TBC1D8: variants seen among roughly 807,000 people sequenced by gnomAD.
The protein encoded by TBC1D8 is BUB2-like protein 1.
In TBC1D8, 65 loss-of-function variants were observed where a neutral mutation model predicts 118.8. The observed-to-expected ratio is 0.55, with a 90% CI of 0.45 to 0.67. The LOEUF (loss-of-function observed/expected upper bound fraction) is 0.67, where lower values mean the gene tolerates loss of function less well. Ranked by LOEUF, TBC1D8 falls within the 30% of genes least tolerant of loss-of-function variation. The probability of loss-of-function intolerance (pLI) is 0.00; values close to 1 mark genes in which losing one functional copy is unlikely to be tolerated. For missense variants in TBC1D8, 1,376 were observed against 1,471.2 expected, an observed-to-expected ratio of 0.94 and a Z score of 1.06; for synonymous variants, 566 against 595.8, an observed-to-expected ratio of 0.95 and a Z score of 0.73.
rs747535253 is a variant in TBC1D8 at position 101,054,231 on chromosome 2, C to T, written c.508G>A (p.Glu170Lys). 29 of 1,609,308 alleles carry T rather than the reference C, an allele frequency of 1.8e-5. No homozygotes were observed. The Middle Eastern group carries it at 6.6e-4, about 37-fold the overall frequency. The change falls in exon 4 of 20, where the codon GAG (glutamate) becomes AAG (lysine). Residue 170 changes from glutamate (E) to lysine (K), a missense_variant. By Grantham distance (56) the Glu-to-Lys change is moderately conservative. Transcript: ENST00000409318. ...VKFEARFNFP[E>K]AEKLVTYYSC... ...TAGTAGGTGACCAGCTTCTCCGCCT[C>T]GGGGAAGTTGAACCTGGCCTCGAAC... is the stretch of plus-strand genomic sequence containing the variant.
intron 5 of TBC1D8, among the ~76,000 whole-genome samples, chr2:101,046,517 G>A (rs1429568306): frequency 2.6e-5 from 4 of 152,202 alleles, no homozygotes; most frequent in African/African-American, 9.7e-5. Context: ...TTGCAAGGTG[G>A]GGCCTGTCAG....
At chr2:101,112,573 C>T (rs1052051909) in intron 1 of TBC1D8, among the ~76,000 whole-genome samples, 14 of 152,200 alleles carry the variant, frequency 9.2e-5, no homozygotes, top group African/African-American at 2.4e-4. Context: ...GGTCCACCTC[C>T]GCTGCCAAAC....
intron 1 of TBC1D8, among the ~76,000 whole-genome samples, chr2:101,115,579 C>T (rs1677783842): frequency 6.6e-6 from 1 of 152,000 alleles, no homozygotes; most frequent in African/African-American, 2.4e-5. Flanking sequence ...AGTGAAACCC[C>T]ATCTCTACTA....
At chr2:101,049,495 G>A (rs1157055617) in intron 5 of TBC1D8, among the ~76,000 whole-genome samples, 1 of 152,122 alleles carries the variant, frequency 6.6e-6, no homozygotes, top group Non-Finnish European at 1.5e-5. Context: ...TTGGGAGGCT[G>A]AGGCGGGTGG....
At chr2:101,052,000 G>A (rs532765362) in intron 4 of TBC1D8, among the ~76,000 whole-genome samples, 1 of 152,322 alleles carries the variant, frequency 6.6e-6, no homozygotes, top group African/African-American at 2.4e-5. Flanking sequence ...ATGTTGCAAA[G>A]GAACACTATT....
intron 15 of TBC1D8, 138 bp from the exon 16 acceptor site, chr2:101,022,659 GA>G (rs1680109774): frequency 7.8e-7 from 1 of 1,287,242 alleles, no homozygotes; most frequent in Non-Finnish European, 1.0e-6. Context: ...TTGTTACCCT[GA>G]CATCCTTACC....
At chr2:101,028,169 TTGCTCAGTCCCC>T (rs748526367) in intron 13 of TBC1D8, 23 bp from the exon 14 acceptor site, 7 of 1,613,160 alleles carry the variant, frequency 4.3e-6, no homozygotes, top group African/African-American at 2.7e-5. Flanking sequence ...AAGGGACCAC[TTGCTCAGTCCCC>T]TGCTCATCCA....
chr2:101,071,848 T>TA (rs1558674877), intron 2 of TBC1D8, among the ~76,000 whole-genome samples: 1 of 152,192 alleles, frequency 6.6e-6, no homozygotes, highest in African/African-American at 2.4e-5. Flanking sequence ...ACTACAAATT[T>TA]AAAAAATCAA....
chr2:101,021,144 G>C (rs905824207), intron 17 of TBC1D8, among the ~76,000 whole-genome samples: 5 of 152,084 alleles, frequency 3.3e-5, no homozygotes, highest in African/African-American at 1.2e-4. Flanking sequence ...TGGGATTTCT[G>C]ATTCATCTCT....
chr2:101,057,768 G>A (rs1682523314), intron 3 of TBC1D8, among the ~76,000 whole-genome samples: 1 of 152,174 alleles, frequency 6.6e-6, no homozygotes. Flanking sequence ...AGGCTGATGT[G>A]AGCCACGATT....
At chr2:101,040,848 T>G (rs1681343268) in intron 5 of TBC1D8, among the ~76,000 whole-genome samples, 1 of 152,280 alleles carries the variant, frequency 6.6e-6, no homozygotes, top group Non-Finnish European at 1.5e-5. Context: ...CCTGTGCTGG[T>G]GCACGTGGGC....
chr2:101,142,291 G>A (rs902235035), intron 1 of TBC1D8, among the ~76,000 whole-genome samples: 6 of 152,176 alleles, frequency 3.9e-5, no homozygotes, highest in South Asian at 2.1e-4. Context: ...CCAGTTCTCC[G>A]TCAGAAGAGA....
At chr2:101,129,139 GT>G (rs1048291120) in intron 1 of TBC1D8, among the ~76,000 whole-genome samples, 3 of 152,074 alleles carry the variant, frequency 2.0e-5, no homozygotes, top group African/African-American at 7.2e-5. Flanking sequence ...GTTTTATTTT[GT>G]TTTGTTTTTT....
chr2:101,025,119 A>G (rs1680263257), intron 15 of TBC1D8, among the ~76,000 whole-genome samples: 1 of 152,220 alleles, frequency 6.6e-6, no homozygotes, highest in African/African-American at 2.4e-5. Flanking sequence ...GTGTGTATTT[A>G]TAGATAGATA....
chr2:101,028,597 C>A, intron 12 of TBC1D8, 165 bp from the exon 13 acceptor site: 1 of 1,029,592 alleles, frequency 9.7e-7, no homozygotes, highest in Non-Finnish European at 1.3e-6. Context: ...GAGAGGCAGT[C>A]ATGAAGCCCG....
chr2:101,082,071 G>T (rs6727703), intron 2 of TBC1D8, among the ~76,000 whole-genome samples: 58,644 of 152,096 alleles, frequency 0.39, 11,558 homozygotes, highest in Middle Eastern at 0.45. Context: ...CCTGGGAGGC[G>T]GAGGTTGCCG....
intron 3 of TBC1D8, among the ~76,000 whole-genome samples, chr2:101,054,787 A>T (rs1332461925): frequency 7.1e-6 from 1 of 141,618 alleles, no homozygotes; most frequent in African/African-American, 2.7e-5. Flanking sequence ...GGTTCAAGTG[A>T]TTCTCCTGCC....
At chr2:101,070,619 G>T (rs550784575) in intron 2 of TBC1D8, among the ~76,000 whole-genome samples, 1 of 151,964 alleles carries the variant, frequency 6.6e-6, no homozygotes, top group South Asian at 2.1e-4. Flanking sequence ...CACCATGTTG[G>T]CCAGGCTAGT....
chr2:101,062,191 A>C (rs1315192855), intron 2 of TBC1D8, among the ~76,000 whole-genome samples: 1 of 152,200 alleles, frequency 6.6e-6, no homozygotes, highest in Non-Finnish European at 1.5e-5. Context: ...ATAATCTTGC[A>C]CAAGCACCTG....
Sources: allele counts gnomAD v4.1 joint callset (sites outside exome capture counted in the v4.1 genomes callset), GRCh38; gene constraint gnomAD v4.1.1; transcripts MANE v1.5; gene names NCBI Gene and HGNC (gene_info 2026-07-23, HGNC 2026-07-21).